Variants in SUSD1 observed in about 807,000 individuals in gnomAD.
SUSD1 encodes sushi domain containing 1.
SUSD1 carries 65 observed loss-of-function variants against 86.9 expected under a neutral mutation model. The observed-to-expected ratio is 0.75, with a 90% CI of 0.61 to 0.92. SUSD1 has a LOEUF of 0.92. Among genes scored for constraint, SUSD1 ranks in the 40% least tolerant of loss-of-function variants. The pLI is 0.00. For synonymous variants in SUSD1, 346 were observed against 350.0 expected (o/e 0.99, Z 0.13); for missense variants, 850 against 929.7 (o/e 0.91, Z 1.11).
intron 12 of SUSD1, among the ~76,000 whole-genome samples, chr9:112,078,065 C>T (rs140982616): frequency 1.1e-3 from 163 of 152,118 alleles, no homozygotes; most frequent in African/African-American, 3.7e-3. Context: ...ACATAACAGG[C>T]TGGGCGCAGT....
chr9:112,173,900 G>A (rs531178696), intron 1 of SUSD1: 9 of 269,456 alleles, frequency 3.3e-5, no homozygotes, highest in South Asian at 8.2e-5. Flanking sequence ...TTTGTGATCC[G>A]GGTTTCATGA....
In SUSD1 at chr9:112,144,544, T is replaced by A. The variant is rs533814323; in HGVS notation, c.374-921A>T. Among the ~76,000 whole-genome samples, 40 of 152,022 alleles carry A rather than the reference T, an allele frequency of 2.6e-4. 2 individuals carry two copies. The South Asian group carries it at 7.9e-3, about 30-fold the overall frequency. On this transcript the variant is annotated intron_variant, in intron 3 of 16. Transcript: ENST00000374270. ...GCTCATGTCTGTAATCCTGGCACTTTGGGAGGACTGCTTGAGTCCAGGAGT... is the reference window on the plus strand; with the variant it reads ...GCTCATGTCTGTAATCCTGGCACTTAGGGAGGACTGCTTGAGTCCAGGAGT...
intron 9 of SUSD1, among the ~76,000 whole-genome samples, chr9:112,099,672 C>G (rs554781690): frequency 6.6e-6 from 1 of 152,302 alleles, no homozygotes; most frequent in East Asian, 1.9e-4. Flanking sequence ...AGCCCTTGAT[C>G]AGTTAGGGTG....
intron 1 of SUSD1, among the ~76,000 whole-genome samples, chr9:112,167,574 A>G (rs1421742549): frequency 6.6e-6 from 1 of 152,258 alleles, no homozygotes; most frequent in African/African-American, 2.4e-5. Context: ...TGCAAGATGC[A>G]GTGCCTGGTA....
At chr9:112,173,329 T>C (rs926901410) in intron 1 of SUSD1, among the ~76,000 whole-genome samples, 2 of 152,196 alleles carry the variant, frequency 1.3e-5, no homozygotes, top group Non-Finnish European at 2.9e-5. Context: ...TCTCCTTGTA[T>C]GTCATCACAT....
intron 15 of SUSD1, among the ~76,000 whole-genome samples, chr9:112,051,415 T>C (rs896739707): frequency 7.8e-5 from 9 of 115,496 alleles, no homozygotes; most frequent in African/African-American, 1.2e-4. Context: ...TTTCTTTTTT[T>C]TTTTTTTTTT....
intron 1 of SUSD1, chr9:112,173,793 T>C (rs1834148552): frequency 3.6e-6 from 1 of 280,204 alleles, no homozygotes; most frequent in Non-Finnish European, 7.3e-6. Flanking sequence ...CTTGGCACTG[T>C]CGCCCTGCAT....
At chr9:112,085,473 T>C (rs370083590) in intron 10 of SUSD1, among the ~76,000 whole-genome samples, 4 of 152,222 alleles carry the variant, frequency 2.6e-5, no homozygotes, top group African/African-American at 9.6e-5. Context: ...CTGGGACACA[T>C]AGAGGTGAAA....
intron 1 of SUSD1, among the ~76,000 whole-genome samples, chr9:112,162,187 C>T (rs796409837): frequency 7.0e-4 from 106 of 152,234 alleles, no homozygotes; most frequent in African/African-American, 2.5e-3. Flanking sequence ...ATATGATGCA[C>T]AATTTGCATC....
intron 2 of SUSD1, among the ~76,000 whole-genome samples, chr9:112,153,396 T>G (rs961274012): frequency 1.3e-5 from 2 of 152,184 alleles, no homozygotes; most frequent in Non-Finnish European, 2.9e-5. Context: ...ACTGGAAGGT[T>G]GTCAAGGGCA....
intron 14 of SUSD1, 141 bp from the exon 15 acceptor site, chr9:112,052,579 C>A: frequency 1.1e-6 from 1 of 927,712 alleles, no homozygotes; most frequent in South Asian, 1.5e-5. Context: ...CAATCTAGCT[C>A]TAATATCTTG....
rs142908510 is a variant in SUSD1 at position 112,072,619 on chromosome 9, T to C, written c.1753+5919A>G. ...AAGCTAACTTTGGCTGAGATTCAGA[T>C]GCTGGTAGCAAGAGGGTCTGGGAGA... On this transcript the variant is annotated intron_variant, in intron 12 of 16. Coordinates refer to ENST00000374270, the MANE Select transcript of SUSD1 (RefSeq NM_022486.5). 4.4e-3 allele frequency among the ~76,000 whole-genome samples: 666 copies of C among 152,326 alleles called. 1 individual carries two copies. Among genetic ancestry groups the C allele is most frequent in the Non-Finnish European group, 7.7e-3 (523 of 68,024 alleles).
chr9:112,158,472 C>A (rs1427582571), intron 1 of SUSD1, among the ~76,000 whole-genome samples: 2 of 152,008 alleles, frequency 1.3e-5, no homozygotes, highest in Non-Finnish European at 2.9e-5. Flanking sequence ...CTCACTGCAG[C>A]CTTGACCTCC....
chr9:112,100,504 A>T (rs552178673), intron 9 of SUSD1, among the ~76,000 whole-genome samples: 185 of 151,874 alleles, frequency 1.2e-3, no homozygotes, highest in African/African-American at 4.2e-3. Flanking sequence ...CTTACTTTCT[A>T]TGACTCAGTA....
intron 5 of SUSD1, among the ~76,000 whole-genome samples, chr9:112,128,457 A>G (rs1254877787): frequency 6.6e-6 from 1 of 150,732 alleles, no homozygotes; most frequent in Non-Finnish European, 1.5e-5. Flanking sequence ...ACAGTGGTGC[A>G]ATCTCGGTTC....
rs574062054 is a variant in SUSD1 at position 112,084,006 on chromosome 9, G to A, written c.1475-3841C>T. Among the ~76,000 whole-genome samples, 11 of 152,292 alleles carry A rather than the reference G, an allele frequency of 7.2e-5. No individual in the cohort carries two copies. In the East Asian group the frequency reaches 1.5e-3, roughly 21 times the overall value. On this transcript the variant is annotated intron_variant, in intron 10 of 16. Transcript: ENST00000374270. ...GAAATAAATGGCACCACTAGTGTCC[G>A]TAACTAAATAGAAGTGACAGCACTA...
chr9:112,111,871 C>G (rs1831115617), intron 7 of SUSD1, 31 bp from the exon 8 acceptor site: 2 of 1,606,800 alleles, frequency 1.2e-6, no homozygotes, highest in South Asian at 2.2e-5. Context: ...AGAACCCACT[C>G]TGACTCCAGT....
chr9:112,071,934 C>T (rs911567383), intron 12 of SUSD1, among the ~76,000 whole-genome samples: 1 of 152,148 alleles, frequency 6.6e-6, no homozygotes, highest in African/African-American at 2.4e-5. Flanking sequence ...CACTACAAGT[C>T]ATCAGCTAGA....
chr9:112,145,390 C>T (rs1751821111), intron 3 of SUSD1, among the ~76,000 whole-genome samples: 1 of 151,412 alleles, frequency 6.6e-6, no homozygotes, highest in Non-Finnish European at 1.5e-5. Context: ...ACTGATTCTC[C>T]TGCCTCAGCC....
Sources: allele counts gnomAD v4.1 joint callset (sites outside exome capture counted in the v4.1 genomes callset), GRCh38; gene constraint gnomAD v4.1.1; transcripts MANE v1.5; gene names NCBI Gene and HGNC (gene_info 2026-07-23, HGNC 2026-07-21).